DSCAML1: variants seen among roughly 807,000 people sequenced by gnomAD.
DSCAML1 encodes cell adhesion molecule DSCAML1.
DSCAML1 carries 38 observed loss-of-function variants against 200.5 expected under a neutral mutation model. That is an observed-to-expected ratio of 0.19 (90% CI 0.15 to 0.25). The LOEUF (loss-of-function observed/expected upper bound fraction) is 0.25. Among genes scored for constraint, DSCAML1 ranks in the 10% least tolerant of loss-of-function variants. The pLI is 1.00. For missense variants in DSCAML1, 2,223 were observed against 2,858.8 expected, an observed-to-expected ratio of 0.78 and a Z score of 5.07; for synonymous variants, 1,215 against 1,165.0, an observed-to-expected ratio of 1.04 and a Z score of -0.87.
At chr11:117,452,933 T>C (rs1225920147) in intron 19 of DSCAML1, among the ~76,000 whole-genome samples, 2 of 152,202 alleles carry the variant, frequency 1.3e-5, no homozygotes, top group Non-Finnish European at 2.9e-5. Flanking sequence ...TATTTCACTT[T>C]ATTTTCATTT....
chr11:117,650,290 C>T (rs997355933), intron 3 of DSCAML1, among the ~76,000 whole-genome samples: 11 of 152,220 alleles, frequency 7.2e-5, no homozygotes, highest in African/African-American at 2.7e-4. Flanking sequence ...CACGTATGGA[C>T]TGCCTCGTGT....
chr11:117,699,945 G>C (rs149084104), intron 3 of DSCAML1, among the ~76,000 whole-genome samples: 1,591 of 152,322 alleles, frequency 0.01, 15 homozygotes, highest in Middle Eastern at 0.031. Flanking sequence ...GGCAGCCTAA[G>C]CTGACAGAGG....
In DSCAML1 at chr11:117,481,990, G is replaced by A. The variant is rs767055301; in HGVS notation, c.2532C>T (p.Asn844=). 11 of 1,614,034 alleles carry A rather than the reference G, an allele frequency of 6.8e-6. No individual in the cohort carries two copies. Among genetic ancestry groups the A allele is most frequent in the Middle Eastern group, 1.6e-4 (1 of 6,084 alleles). The change falls in exon 12 of 33, where the codon AAC becomes AAT. Residue 844 remains asparagine (N), a synonymous_variant. Coordinates refer to ENST00000651296, the MANE Select transcript of DSCAML1 (RefSeq NM_020693.4). The part of the protein sequence containing the change: ...VMRYAIATKD[N]GDEVVSTLKL... ...TCAGTGTGGAGACGACCTCGTCGCC[G>A]TTGTCCTTGGTGGCGATGGCATACC... is the stretch of plus-strand genomic sequence containing the variant.
chr11:117,499,131 A>T (rs976561829), intron 11 of DSCAML1, among the ~76,000 whole-genome samples: 13 of 152,288 alleles, frequency 8.5e-5, no homozygotes, highest in African/African-American at 2.9e-4. Context: ...CTCTTTGAAG[A>T]TGCTTTATTT....
intron 3 of DSCAML1, among the ~76,000 whole-genome samples, chr11:117,598,627 C>A (rs970277026): frequency 6.6e-6 from 1 of 152,140 alleles, no homozygotes; most frequent in Non-Finnish European, 1.5e-5. Context: ...CTTTTATTCC[C>A]CAAACATAAA....
At position 117,505,428 on chromosome 11, in the gene DSCAML1, CCT is replaced by C. The variant is rs768498259; in HGVS notation, c.2062+24_2062+25del. 18 of 1,599,224 alleles carry C rather than the reference CCT, an allele frequency of 1.1e-5. No homozygotes were observed. In the African/African-American group the frequency reaches 2.4e-4, roughly 21 times the overall value. On this transcript the variant is annotated intron_variant, in intron 9 of 32. Transcript: ENST00000651296. This position sits in a 1 kb window ranked among gnomAD's most constrained non-coding sequence, Gnocchi z 6.7. ...GCAGGCAGAATGGGCTCCTCCCTCC[CCT>C]GAGGCTGGCCTGTCCCTGCTCACCA...
chr11:117,751,087 G>A (rs942140411), intron 3 of DSCAML1, among the ~76,000 whole-genome samples: 2 of 152,134 alleles, frequency 1.3e-5, no homozygotes, highest in Non-Finnish European at 2.9e-5. Context: ...GACTGCCTAT[G>A]CATGCATGTT....
chr11:117,813,797 C>T (rs558494979), intron 1 of DSCAML1, among the ~76,000 whole-genome samples: 2 of 152,296 alleles, frequency 1.3e-5, no homozygotes, highest in African/African-American at 4.8e-5. Context: ...GGAGAAACAT[C>T]GTCCATTCTG....
chr11:117,552,833 C>A (rs1418612252), intron 3 of DSCAML1, among the ~76,000 whole-genome samples: 3 of 152,138 alleles, frequency 2.0e-5, no homozygotes, highest in African/African-American at 4.8e-5. Context: ...ACTCCACTGG[C>A]CTGTTCCCAG....
intron 20 of DSCAML1, among the ~76,000 whole-genome samples, chr11:117,444,761 G>T (rs1565686056): frequency 6.6e-6 from 1 of 152,168 alleles, no homozygotes; most frequent in Non-Finnish European, 1.5e-5. Context: ...AGATTATGTT[G>T]CCTTGGAAAC....
chr11:117,709,868 C>G, intron 3 of DSCAML1: 1 of 438,954 alleles, frequency 2.3e-6, no homozygotes, highest in South Asian at 1.6e-5. Flanking sequence ...ATAAGACTGG[C>G]CATGAGACAG....
rs548107038 is a variant in DSCAML1, at chr11:117,557,045, C to T, written c.512-24523G>A. Among the ~76,000 whole-genome samples the T allele has an allele frequency of 3.9e-5, 6 of 152,194 alleles. No homozygotes were observed. In the South Asian group the frequency reaches 1.0e-3, roughly 26 times the overall value. ...TCCACACAGGACCAGGCAGGATGCA[C>T]GTTGGGCTAGATCTTGGGTGAGGGA... On this transcript the variant is annotated intron_variant, in intron 3 of 32. Coordinates refer to ENST00000651296, the MANE Select transcript of DSCAML1 (RefSeq NM_020693.4).
Position 117,480,717 on chromosome 11 carries a change from C to G in DSCAML1, c.2657-146G>C. The G allele has an allele frequency of 1.2e-6, 1 of 865,272 alleles. No homozygotes were observed. Among genetic ancestry groups the G allele is most frequent in the Non-Finnish European group, 1.8e-6 (1 of 567,316 alleles). 53.6% of individuals were successfully genotyped at this position (865,272 alleles called of 1,614,324 possible). ...GAGCAGGGTGGGGGCTGGAGGAGGCCAGCAGCCAGGCTTGGAGGCTGAGGA... is the reference window on the plus strand; with the variant it reads ...GAGCAGGGTGGGGGCTGGAGGAGGCGAGCAGCCAGGCTTGGAGGCTGAGGA... On this transcript the variant is annotated intron_variant, in intron 13 of 32. Coordinates refer to ENST00000651296, the MANE Select transcript of DSCAML1 (RefSeq NM_020693.4). The surrounding 1 kb of genome is among the most constrained non-coding windows in gnomAD (Gnocchi z 4.1).
chr11:117,691,798 C>T (rs537971416), intron 3 of DSCAML1, among the ~76,000 whole-genome samples: 4 of 150,486 alleles, frequency 2.7e-5, no homozygotes, highest in Admixed American at 1.3e-4. Context: ...ACCTTCTCTC[C>T]CCAGGGGGGT....
intron 3 of DSCAML1, among the ~76,000 whole-genome samples, chr11:117,680,454 G>A (rs1044373006): frequency 5.9e-5 from 9 of 152,234 alleles, no homozygotes; most frequent in African/African-American, 2.2e-4. Context: ...TCTTCCCAGA[G>A]TGGGGCATGC....
intron 3 of DSCAML1, among the ~76,000 whole-genome samples, chr11:117,562,701 CT>C (rs1268619103): frequency 9.2e-5 from 14 of 152,314 alleles, no homozygotes; most frequent in Admixed American, 7.2e-4. Flanking sequence ...AATGAAGGTG[CT>C]TAACTTTTCT....
chr11:117,480,197 C>G lies in DSCAML1; in HGVS notation c.2785+246G>C, dbSNP rs1007002313. Among the ~76,000 whole-genome samples the G allele has an allele frequency of 6.6e-6, 1 of 152,216 alleles. No homozygotes were observed. Among genetic ancestry groups the G allele is most frequent in the Non-Finnish European group, 1.5e-5 (1 of 68,042 alleles). Reference sequence around the variant, plus strand: ...TTGGGGACCCTGGCCCAGGGACAGTCCTGGAAAGGAGCTGACATCACTACC... The same window carrying G: ...TTGGGGACCCTGGCCCAGGGACAGTGCTGGAAAGGAGCTGACATCACTACC... On this transcript the variant is annotated intron_variant, in intron 14 of 32. Transcript: ENST00000651296. The surrounding 1 kb of genome is among the most constrained non-coding windows in gnomAD (Gnocchi z 4.1).
At chr11:117,451,244 T>G (rs1379204733) in intron 19 of DSCAML1, among the ~76,000 whole-genome samples, 2 of 152,184 alleles carry the variant, frequency 1.3e-5, no homozygotes, top group African/African-American at 4.8e-5. Context: ...CCAACTCTTA[T>G]GGACTCTGAT....
Position 117,458,827 on chromosome 11 carries a change from G to C in DSCAML1, c.3495C>G (p.Val1165=). Reference sequence around the variant, plus strand: ...CAGCCTGGGTGTAGGCCAGCACCTGGACGCTGTAGTTGGTGAACTTCTCCA... The same window carrying C: ...CAGCCTGGGTGTAGGCCAGCACCTGCACGCTGTAGTTGGTGAACTTCTCCA... ...RGMEKFTNYS[V]QVLAYTQAGD... The change falls in exon 19 of 33, where the codon GTC becomes GTG. Residue 1165 remains valine, a synonymous_variant. Coordinates refer to ENST00000651296, the MANE Select transcript of DSCAML1 (RefSeq NM_020693.4). 6.2e-7 allele frequency: 1 copy of C among 1,614,052 alleles called. No homozygotes were observed. The highest frequency in any genetic ancestry group is 8.5e-7 in the Non-Finnish European group (1 of 1,180,002).
Sources: gnomAD v4.1 joint callset for allele counts (sites outside exome capture counted in the v4.1 genomes callset) on GRCh38, gnomAD v4.1.1 for gene constraint, Gnocchi (gnomAD v3.1) non-coding constraint, MANE v1.5 for transcripts, NCBI Gene and HGNC (gene_info 2026-07-23, HGNC 2026-07-21) for gene names.